ROBO2: variants seen among roughly 807,000 people sequenced by gnomAD.
ROBO2 encodes roundabout homolog 2.
Under a neutral mutation model 160.8 loss-of-function variants are expected in ROBO2, and 53 were observed. The ratio of observed to expected loss-of-function variants is 0.33; its 90% CI spans 0.26 to 0.41. The LOEUF (loss-of-function observed/expected upper bound fraction) is 0.41. Ranked by LOEUF, ROBO2 falls within the 10% of genes least tolerant of loss-of-function variation. The pLI is 1.00. For synonymous variants in ROBO2, 664 were observed against 611.7 expected, an observed-to-expected ratio of 1.09 and a Z score of -1.26; for missense variants, 1,577 against 1,722.4, an observed-to-expected ratio of 0.92 and a Z score of 1.49.
chr3:75,937,642 C>G, intron 2 of ROBO2: 1 of 1,239,414 alleles, frequency 8.1e-7, no homozygotes, highest in Non-Finnish European at 1.1e-6. Context: ...GAGTTGGATG[C>G]GAATTTCACT....
intron 2 of ROBO2, among the ~76,000 whole-genome samples, chr3:76,009,920 A>C (rs1333991617): frequency 6.6e-6 from 1 of 152,224 alleles, no homozygotes; most frequent in Non-Finnish European, 1.5e-5. Context: ...TTAATTGATG[A>C]AAAGCTTTAG....
chr3:77,111,352 T>A (rs1186935267), intron 2 of ROBO2, among the ~76,000 whole-genome samples: 9 of 152,146 alleles, frequency 5.9e-5, no homozygotes, highest in Non-Finnish European at 1.3e-4. Flanking sequence ...CCTGTGAATC[T>A]ATACTTAGTA....
intron 2 of ROBO2, among the ~76,000 whole-genome samples, chr3:76,840,087 G>T (rs2148459838): frequency 6.6e-6 from 1 of 151,790 alleles, no homozygotes; most frequent in African/African-American, 2.4e-5. Context: ...CTAAAGGTTT[G>T]TCAATTTTGT....
intron 2 of ROBO2, among the ~76,000 whole-genome samples, chr3:76,693,048 C>CTA (rs10583136): frequency 3.4e-5 from 5 of 147,816 alleles, no homozygotes; most frequent in East Asian, 4.1e-4. Context: ...GTCTCTCTCC[C>CTA]TATATATATA....
At chr3:76,020,139 C>G (rs1009662337) in intron 2 of ROBO2, among the ~76,000 whole-genome samples, 5 of 151,856 alleles carry the variant, frequency 3.3e-5, no homozygotes, top group African/African-American at 1.2e-4. Flanking sequence ...GTTTTCCATT[C>G]TATATGATGC....
intron 2 of ROBO2, among the ~76,000 whole-genome samples, chr3:77,418,254 CA>C (rs1300755796): frequency 2.0e-5 from 3 of 152,150 alleles, no homozygotes; most frequent in African/African-American, 7.2e-5. Flanking sequence ...TTTGCTTGAG[CA>C]AAAGTTTTCT....
intron 2 of ROBO2, among the ~76,000 whole-genome samples, chr3:77,099,195 C>A (rs2071562274): frequency 6.6e-6 from 1 of 151,660 alleles, no homozygotes. Context: ...TCTCAGCCTC[C>A]CAAGTAGCTG....
At chr3:75,917,436 A>G (rs1946857905) in intron 1 of ROBO2, among the ~76,000 whole-genome samples, 3 of 152,202 alleles carry the variant, frequency 2.0e-5, no homozygotes, top group Admixed American at 1.3e-4. Context: ...CCGGTCTATC[A>G]TTGATGGGCA....
intron 2 of ROBO2, among the ~76,000 whole-genome samples, chr3:76,578,276 C>T (rs1428279032): frequency 6.6e-6 from 1 of 152,142 alleles, no homozygotes; most frequent in Non-Finnish European, 1.5e-5. Flanking sequence ...TTGACTCCTT[C>T]CCAATCAGCA....
At chr3:77,196,977 G>A (rs1288924907) in intron 2 of ROBO2, among the ~76,000 whole-genome samples, 3 of 142,676 alleles carry the variant, frequency 2.1e-5, no homozygotes, top group African/African-American at 2.5e-5. Flanking sequence ...TTTTGATAAA[G>A]AAGAAGGTAG....
At chr3:77,159,819 G>A (rs2078330058) in intron 2 of ROBO2, among the ~76,000 whole-genome samples, 1 of 152,098 alleles carries the variant, frequency 6.6e-6, no homozygotes, top group Non-Finnish European at 1.5e-5. Context: ...CTACTTGTGT[G>A]CAGCTGAAAA....
chr3:77,577,465 T>C lies in ROBO2; in HGVS notation c.2204-25T>C, dbSNP rs988782617. On this transcript the variant is annotated intron_variant, in intron 14 of 25. Coordinates refer to ENST00000461745, the Ensembl canonical transcript of ROBO2. ...CGCACACCAAGGCTTATAGTTTGCATTTATTCTAATTACTTCCTCTACAGC... is the reference window on the plus strand; with the variant it reads ...CGCACACCAAGGCTTATAGTTTGCACTTATTCTAATTACTTCCTCTACAGC... 2.5e-6 allele frequency: 4 copies of C among 1,612,982 alleles called. No homozygotes were observed. The African/African-American group carries it at 4.0e-5, about 16-fold the overall frequency.
chr3:76,749,314 A>G (rs533269489), intron 2 of ROBO2, among the ~76,000 whole-genome samples: 161 of 152,074 alleles, frequency 1.1e-3, no homozygotes, highest in Non-Finnish European at 1.8e-3. Flanking sequence ...ATTGTACCTT[A>G]AAGTCATCTC....
At chr3:77,372,613 G>C (rs1056746881) in intron 2 of ROBO2, among the ~76,000 whole-genome samples, 3 of 152,020 alleles carry the variant, frequency 2.0e-5, no homozygotes, top group African/African-American at 4.8e-5. Context: ...GTAAGAAAGA[G>C]TATACTATTT....
intron 2 of ROBO2, among the ~76,000 whole-genome samples, chr3:76,760,983 G>A (rs1340618694): frequency 1.3e-5 from 2 of 151,474 alleles, no homozygotes; most frequent in Admixed American, 1.3e-4. Flanking sequence ...GTTTGATTAA[G>A]AAGGAAATTA....
At chr3:76,544,276 T>C (rs1344438041) in intron 2 of ROBO2, among the ~76,000 whole-genome samples, 1 of 152,102 alleles carries the variant, frequency 6.6e-6, no homozygotes, top group Non-Finnish European at 1.5e-5. Context: ...CAGATGTTCA[T>C]AAGACCCTAA....
intron 2 of ROBO2, among the ~76,000 whole-genome samples, chr3:76,421,084 T>A (rs926065237): frequency 6.6e-6 from 1 of 152,188 alleles, no homozygotes; most frequent in Non-Finnish European, 1.5e-5. Context: ...GGTCAAAACA[T>A]CTGTTAAATT....
intron 2 of ROBO2, among the ~76,000 whole-genome samples, chr3:76,502,165 C>T (rs755212673): frequency 9.9e-5 from 15 of 152,098 alleles, no homozygotes; most frequent in Non-Finnish European, 2.1e-4. Context: ...AATGCAGAGA[C>T]AGCCCAGAAT....
intron 2 of ROBO2, among the ~76,000 whole-genome samples, chr3:77,124,126 T>G (rs2075089079): frequency 6.6e-6 from 1 of 152,142 alleles, no homozygotes; most frequent in Admixed American, 6.5e-5. Context: ...AAGGCAGATA[T>G]TTTCTGCTCC....
Sources: allele counts gnomAD v4.1 joint callset (sites outside exome capture counted in the v4.1 genomes callset), GRCh38; gene constraint gnomAD v4.1.1; transcripts MANE v1.5; gene names NCBI Gene and HGNC (gene_info 2026-07-23, HGNC 2026-07-21).